The following STAG2 variants were observed in gnomAD, a reference collection of about 807,000 sequenced individuals.
STAG2 encodes the protein STAG2 cohesin complex component, also known as cohesin subunit SA-2.
In STAG2, 14 loss-of-function variants were observed where a neutral mutation model predicts 108.1. The observed-to-expected ratio is 0.13, with a 90% confidence interval of 0.09 to 0.20. The LOEUF (loss-of-function observed/expected upper bound fraction) is 0.20. Ranked by LOEUF, STAG2 falls within the 10% of genes least tolerant of loss-of-function variation. The pLI is 1.00. For synonymous variants in STAG2, 307 were observed against 302.7 expected, an observed-to-expected ratio of 1.01 and a Z score of -0.15; for missense variants, 440 against 940.9, an observed-to-expected ratio of 0.47 and a Z score of 6.96.
At chrX:123,971,534 A>C (rs1335871971) in intron 1 of STAG2, among the ~76,000 whole-genome samples, 2 of 111,186 alleles carry the variant, frequency 1.8e-5, no homozygotes, top group Non-Finnish European at 3.8e-5. Context: ...CTTTTGGGGG[A>C]GTTTTTGTTG....
Position 124,049,087 on chromosome X carries a change from TGA to T in STAG2, c.893+10_893+11del, listed in dbSNP as rs2057961911. ...TTTGTACATAGATACCGGTAAGTTGTGACAGTTTTTTTCATAAATAGCATTAT... is the reference window on the plus strand; with the variant it reads ...TTTGTACATAGATACCGGTAAGTTGTCAGTTTTTTTCATAAATAGCATTAT... On this transcript the variant is annotated intron_variant, in intron 10 of 34. Transcript: ENST00000371145. 1 of 1,163,416 alleles carries T rather than the reference TGA, an allele frequency of 8.6e-7. No homozygotes were observed. Among genetic ancestry groups the T allele is most frequent in the Non-Finnish European group, 1.2e-6 (1 of 858,808 alleles).
chrX:124,051,301 T>G lies in STAG2; in HGVS notation c.1117-14T>G. On this transcript the variant is annotated splice_polypyrimidine_tract_variant and intron_variant, in intron 12 of 34. Coordinates refer to ENST00000371145, the MANE Select transcript of STAG2 (RefSeq NM_001042750.2). ...GCTTTCCTTTTAAAAATATTTTAAT[T>G]TTTTTGTCCTTAGGATAGAATTGTG... 8.5e-7 allele frequency: 1 copy of G among 1,179,538 alleles called. No homozygotes were observed. Among genetic ancestry groups the G allele is most frequent in the Non-Finnish European group, 1.1e-6 (1 of 878,778 alleles).
intron 1 of STAG2, among the ~76,000 whole-genome samples, chrX:124,014,385 C>T (rs1203338311): frequency 9.2e-6 from 1 of 109,226 alleles, no homozygotes; most frequent in Non-Finnish European, 1.9e-5. Flanking sequence ...TTTTTTGAGA[C>T]AGTCTTGCTC....
intron 1 of STAG2, among the ~76,000 whole-genome samples, chrX:124,003,237 G>T (rs902405127): frequency 9.1e-6 from 1 of 110,424 alleles, no homozygotes; most frequent in Non-Finnish European, 1.9e-5. Flanking sequence ...CAAAGTGCTG[G>T]ATTACAGGCG....
rs2148343231 is a variant in STAG2 at position 124,066,253 on chromosome X, G to T, written c.2175G>T (p.Met725Ile). The change falls in exon 22 of 35, where the codon ATG becomes ATT. Residue 725 changes from methionine to isoleucine, a missense_variant. This residue lies in a region of STAG2 where 337 missense variants were observed against 649.3 expected (regional missense o/e 0.52). Coordinates refer to ENST00000371145, the MANE Select transcript of STAG2 (RefSeq NM_001042750.2). ...AAACTGGAATCGAAAATGGAGACAT[G>T]CCTGAGCAGGTTTTTATTTATTTGC... Reference protein sequence around the residue: ...LLKTGIENGDMPEQIVIHALQ... With the variant: ...LLKTGIENGDIPEQIVIHALQ... The T allele has an allele frequency of 8.4e-7, 1 of 1,193,916 alleles. No individual in the cohort carries two copies. The highest frequency in any genetic ancestry group is 1.1e-6 in the Non-Finnish European group (1 of 888,620).
intron 1 of STAG2, among the ~76,000 whole-genome samples, chrX:123,967,893 T>G (rs916845095): frequency 3.6e-5 from 4 of 110,198 alleles, no homozygotes; most frequent in African/African-American, 9.9e-5. Flanking sequence ...TATAATCTTA[T>G]GGGACCACTG....
chrX:124,017,343 G>T (rs2056766233), intron 1 of STAG2, among the ~76,000 whole-genome samples: 1 of 109,772 alleles, frequency 9.1e-6, no homozygotes. Context: ...CCGAGTAGCT[G>T]GGACTATAGG....
intron 1 of STAG2, among the ~76,000 whole-genome samples, chrX:123,994,096 A>G (rs912458617): frequency 7.1e-5 from 8 of 111,889 alleles, no homozygotes; most frequent in Non-Finnish European, 1.5e-4. Context: ...ATTGCACCAT[A>G]TCTACTTGGC....
rs182595827 is a variant in STAG2, at chrX:123,966,238, G to A, written c.-163+4382G>A. Among the ~76,000 whole-genome samples, 217 of 108,713 alleles carry A rather than the reference G, an allele frequency of 2.0e-3. 1 individual carries two copies. Among genetic ancestry groups the A allele is most frequent in the African/African-American group, 7.3e-3 (211 of 29,059 alleles). The allele number at this position is 108,713 out of a possible 115,157, so 94.4% of individuals were successfully genotyped here. A position where few individuals can be genotyped will look rare whatever the true frequency, so the allele number is the denominator to read the frequency against. On this transcript the variant is annotated intron_variant, in intron 1 of 34. Coordinates refer to ENST00000371145, the MANE Select transcript of STAG2 (RefSeq NM_001042750.2). ...AGCACTTTGGAAGGCTGAGGCAGGCGGATCATGAGGTCAGGAGTTCAAGAC... is the reference window on the plus strand; with the variant it reads ...AGCACTTTGGAAGGCTGAGGCAGGCAGATCATGAGGTCAGGAGTTCAAGAC...
chrX:124,018,844 A>G (rs890555145), intron 1 of STAG2, among the ~76,000 whole-genome samples: 7 of 106,399 alleles, frequency 6.6e-5, no homozygotes, highest in African/African-American at 2.4e-4. Flanking sequence ...TAAAATAAAG[A>G]TGTAAACATT....
At chrX:123,991,469 C>T (rs2055460181) in intron 1 of STAG2, among the ~76,000 whole-genome samples, 1 of 109,181 alleles carries the variant, frequency 9.2e-6, no homozygotes, top group South Asian at 4.0e-4. Context: ...TCTCCTGCCT[C>T]AGCCTCCCAA....
At chrX:124,052,488 A>G (rs2058073549) in intron 13 of STAG2, among the ~76,000 whole-genome samples, 1 of 112,532 alleles carries the variant, frequency 8.9e-6, no homozygotes, top group African/African-American at 3.2e-5. Context: ...AGTTTCATAC[A>G]TTATTATAGC....
At chrX:124,060,279 A>G (rs758664616) in intron 15 of STAG2, among the ~76,000 whole-genome samples, 1 of 110,735 alleles carries the variant, frequency 9.0e-6, no homozygotes, top group East Asian at 2.9e-4. Flanking sequence ...ACAGGCACCC[A>G]TCACCACACC....
chrX:123,977,646 G>A (rs1347353414), intron 1 of STAG2, among the ~76,000 whole-genome samples: 5 of 109,342 alleles, frequency 4.6e-5, no homozygotes, highest in African/African-American at 1.7e-4. Flanking sequence ...TAAAAATAAT[G>A]AAAAAAAATA....
intron 15 of STAG2, among the ~76,000 whole-genome samples, chrX:124,059,984 A>G (rs1020501912): frequency 1.8e-5 from 2 of 111,372 alleles, no homozygotes; most frequent in Non-Finnish European, 3.8e-5. Context: ...TTTTGAGGGC[A>G]TTCCCTCTAT....
At chrX:124,024,758 G>A (rs1006011862) in intron 3 of STAG2, among the ~76,000 whole-genome samples, 1 of 111,688 alleles carries the variant, frequency 9.0e-6, no homozygotes, top group Non-Finnish European at 1.9e-5. Context: ...TCTAGATTGA[G>A]AATACTAGTT....
intron 5 of STAG2, 140 bp from the exon 6 acceptor site, chrX:124,037,387 C>A: frequency 4.8e-6 from 1 of 208,072 alleles, no homozygotes; most frequent in Non-Finnish European, 9.2e-6. Context: ...TAAAATTGAA[C>A]TTTAAATTTC....
At chrX:124,025,977 T>A in intron 4 of STAG2, 59 bp downstream of exon 4, 1 of 869,967 alleles carries the variant, frequency 1.1e-6, no homozygotes, top group Non-Finnish European at 1.6e-6. Flanking sequence ...CACACAGATT[T>A]AAGTTATGTC....
At chrX:124,099,503 G>T (rs1055660439) in intron 34 of STAG2, among the ~76,000 whole-genome samples, 2 of 111,209 alleles carry the variant, frequency 1.8e-5, no homozygotes, top group Non-Finnish European at 3.8e-5. Context: ...TGAATGGACA[G>T]GTAAGAAATT....
Sources: gnomAD v4.1 joint callset for allele counts (sites outside exome capture counted in the v4.1 genomes callset) on GRCh38, gnomAD v4.1.1 for gene constraint, gnomAD v4.1.1 regional missense constraint, MANE v1.5 for transcripts, NCBI Gene and HGNC (gene_info 2026-07-23, HGNC 2026-07-21) for gene names.